Variants in EDIL3 observed in about 807,000 individuals in gnomAD.
EDIL3 encodes the protein EGF like and discoidin domains 3.
EDIL3 carries 37 observed loss-of-function variants against 67.4 expected under a neutral mutation model. That is an observed-to-expected ratio of 0.55 (90% CI 0.42 to 0.72). The LOEUF (loss-of-function observed/expected upper bound fraction) is 0.72. Among genes scored for constraint, EDIL3 ranks in the 30% least tolerant of loss-of-function variants. The probability of loss-of-function intolerance (pLI) is 0.00; values close to 1 mark genes in which losing one functional copy is unlikely to be tolerated. For synonymous variants in EDIL3, 195 were observed against 196.3 expected (o/e 0.99, Z 0.05); for missense variants, 527 against 586.3 (o/e 0.90, Z 1.04).
chr5:84,174,438 C>T (rs114638196), intron 4 of EDIL3, among the ~76,000 whole-genome samples: 128 of 152,300 alleles, frequency 8.4e-4, no homozygotes, highest in African/African-American at 3.1e-3. Flanking sequence ...TTCAAAGGGC[C>T]TATAACAACA....
At chr5:84,059,164 G>T (rs1746498960) in intron 9 of EDIL3, among the ~76,000 whole-genome samples, 1 of 152,132 alleles carries the variant, frequency 6.6e-6, no homozygotes, top group African/African-American at 2.4e-5. Flanking sequence ...ACTTTGGGAG[G>T]CTGAGGCAGG....
intron 1 of EDIL3, among the ~76,000 whole-genome samples, chr5:84,314,153 G>A (rs1312259946): frequency 6.6e-6 from 1 of 152,084 alleles, no homozygotes; most frequent in African/African-American, 2.4e-5. Flanking sequence ...CCAAGGTTGT[G>A]CCATTGAAAT....
intron 6 of EDIL3, among the ~76,000 whole-genome samples, chr5:84,097,359 C>G (rs1747282871): frequency 6.6e-6 from 1 of 152,116 alleles, no homozygotes; most frequent in Non-Finnish European, 1.5e-5. Context: ...TCATACACAT[C>G]AAATATATCA....
intron 5 of EDIL3, among the ~76,000 whole-genome samples, chr5:84,112,640 A>G (rs1409155227): frequency 6.6e-6 from 1 of 152,138 alleles, no homozygotes; most frequent in Non-Finnish European, 1.5e-5. Flanking sequence ...CAGGGACAGG[A>G]TTGAGATGTA....
chr5:84,060,311 G>A lies in EDIL3; in HGVS notation c.1126C>T (p.Gln376Ter). Residue 376 changes from glutamine to a stop codon, truncating the protein, a stop_gained, in exon 9 of 11, where the codon CAA becomes TAA. Coordinates refer to ENST00000296591, the MANE Select transcript of EDIL3 (RefSeq NM_005711.5). LOFTEE classifies it high-confidence loss of function. ...TTGGAAAACTTTACCTGTAACCATT[G>A]TGACTGGTCATTGTGGCCAGAGGTC... is the stretch of plus-strand genomic sequence containing the variant. ...AWTSGHNDQS[Q>*]WLQVDLLVPT... 1 of 1,613,636 alleles carries A rather than the reference G, an allele frequency of 6.2e-7. No homozygotes were observed. Among genetic ancestry groups the A allele is most frequent in the Non-Finnish European group, 8.5e-7 (1 of 1,179,742 alleles).
intron 10 of EDIL3, among the ~76,000 whole-genome samples, chr5:83,955,927 G>A (rs745332957): frequency 6.6e-6 from 1 of 151,820 alleles, no homozygotes; most frequent in Middle Eastern, 3.4e-3. Context: ...AATATACAAA[G>A]GATTTTCTTA....
intron 1 of EDIL3, among the ~76,000 whole-genome samples, chr5:84,305,934 A>C (rs1357369541): frequency 6.6e-6 from 1 of 151,374 alleles, no homozygotes; most frequent in East Asian, 1.9e-4. Flanking sequence ...TAGATAAATA[A>C]ATAAAATACA....
At chr5:84,104,422 G>A (rs931978725) in intron 6 of EDIL3, among the ~76,000 whole-genome samples, 18 of 150,672 alleles carry the variant, frequency 1.2e-4, no homozygotes, top group African/African-American at 4.4e-4. Context: ...GTAAAGTTTT[G>A]TAAAAAATAA....
At chr5:84,217,288 T>C (rs1744248228) in intron 3 of EDIL3, among the ~76,000 whole-genome samples, 1 of 152,200 alleles carries the variant, frequency 6.6e-6, no homozygotes. Flanking sequence ...GGAAATAATG[T>C]TCAATCTATT....
At chr5:84,022,721 T>G (rs187264634) in intron 9 of EDIL3, among the ~76,000 whole-genome samples, 2 of 151,802 alleles carry the variant, frequency 1.3e-5, no homozygotes, top group African/African-American at 2.4e-5. Flanking sequence ...CAACATACTA[T>G]AGTAATAGAA....
chr5:84,351,056 A>T (rs1747347637), intron 1 of EDIL3, among the ~76,000 whole-genome samples: 1 of 152,122 alleles, frequency 6.6e-6, no homozygotes, highest in Non-Finnish European at 1.5e-5. Flanking sequence ...GGTCAATCAC[A>T]TTGCATTGGA....
chr5:84,037,988 G>GTTTTTCTTTTTT (rs1746050662), intron 9 of EDIL3, among the ~76,000 whole-genome samples: 1 of 99,750 alleles, frequency 1.0e-5, no homozygotes, highest in African/African-American at 4.5e-5. Flanking sequence ...TTTCTTTCTT[G>GTTTTTCTTTTTT]TTTTTTTTTT....
chr5:84,357,569 T>C (rs1489985458), intron 1 of EDIL3, among the ~76,000 whole-genome samples: 2 of 152,092 alleles, frequency 1.3e-5, no homozygotes, highest in Admixed American at 6.6e-5. Context: ...AGAACTTCCA[T>C]TAGGTTCTTA....
intron 1 of EDIL3, among the ~76,000 whole-genome samples, chr5:84,272,690 A>G (rs1418635596): frequency 2.0e-5 from 3 of 152,178 alleles, no homozygotes; most frequent in African/African-American, 4.8e-5. Flanking sequence ...TTACCGAGCT[A>G]TCTGATATTC....
intron 2 of EDIL3, among the ~76,000 whole-genome samples, chr5:84,232,086 C>G (rs1229868800): frequency 6.6e-6 from 1 of 152,132 alleles, no homozygotes; most frequent in Non-Finnish European, 1.5e-5. Flanking sequence ...TCTGCTGTGC[C>G]TTATTGTATC....
chr5:83,988,158 T>A (rs1272304142), intron 9 of EDIL3, among the ~76,000 whole-genome samples: 1 of 152,050 alleles, frequency 6.6e-6, no homozygotes, highest in African/African-American at 2.4e-5. Flanking sequence ...ACGTGAAAAG[T>A]AACTTGACAG....
chr5:84,091,087 T>C (rs962074277), intron 6 of EDIL3, among the ~76,000 whole-genome samples: 5 of 152,186 alleles, frequency 3.3e-5, no homozygotes, highest in Non-Finnish European at 7.4e-5. Context: ...AAAAGGGAAC[T>C]ACCAAGAGTT....
intron 9 of EDIL3, among the ~76,000 whole-genome samples, chr5:84,009,197 T>C (rs199625611): frequency 6.6e-6 from 1 of 151,264 alleles, no homozygotes; most frequent in Non-Finnish European, 1.5e-5. Context: ...TTTCCCAAAA[T>C]AAAAAAAAAT....
intron 9 of EDIL3, among the ~76,000 whole-genome samples, chr5:83,991,066 G>T: frequency 6.6e-6 from 1 of 151,958 alleles, no homozygotes. Flanking sequence ...ATATCTTTAG[G>T]GTACAAAGTA....
Sources: gnomAD v4.1 joint callset for allele counts (sites outside exome capture counted in the v4.1 genomes callset) on GRCh38, gnomAD v4.1.1 for gene constraint, MANE v1.5 for transcripts, NCBI Gene and HGNC (gene_info 2026-07-23, HGNC 2026-07-21) for gene names.